Variants in NPEPL1 observed in about 807,000 individuals in gnomAD.
The protein encoded by NPEPL1 is probable aminopeptidase NPEPL1.
In NPEPL1, 45 loss-of-function variants were observed where a neutral mutation model predicts 52.4. The ratio of observed to expected loss-of-function variants is 0.86; its 90% CI spans 0.68 to 1.10. The LOEUF is 1.10. NPEPL1 is among the 50% of genes least tolerant of loss of function. The pLI is 0.00. For synonymous variants in NPEPL1, 360 were observed against 314.7 expected (o/e 1.14, Z -1.52); for missense variants, 696 against 710.9 (o/e 0.98, Z 0.24).
At chr20:58,696,041 C>G (rs1049574282) in intron 3 of NPEPL1, among the ~76,000 whole-genome samples, 13 of 152,208 alleles carry the variant, frequency 8.5e-5, no homozygotes, top group African/African-American at 3.1e-4. Context: ...TCTGCCTCTT[C>G]TCTCTGTCTT....
At chr20:58,712,797 G>A (rs533994287) in intron 8 of NPEPL1, 17 of 661,106 alleles carry the variant, frequency 2.6e-5, no homozygotes, top group East Asian at 8.8e-5. Flanking sequence ...CTAGGCTCCC[G>A]TGCAGTGCCT....
intron 7 of NPEPL1, chr20:58,711,545 T>A (rs533704496): frequency 6.6e-6 from 1 of 152,394 alleles, no homozygotes; most frequent in East Asian, 1.9e-4. Context: ...CTGAGGCTGG[T>A]GGGGTTCTTT....
upstream of NPEPL1, among the ~76,000 whole-genome samples, chr20:58,689,705 T>G (rs948948711): frequency 2.0e-5 from 3 of 152,186 alleles, no homozygotes; most frequent in African/African-American, 4.8e-5. Flanking sequence ...CTCATCGTAG[T>G]CCAAGGGGCC....
chr20:58,693,290 G>A, intron 1 of NPEPL1: 2 of 177,170 alleles, frequency 1.1e-5, no homozygotes, highest in Non-Finnish European at 2.2e-5. Flanking sequence ...TGCGCCCCGC[G>A]AGGCCGCGAC....
chr20:58,703,703 G>T, intron 6 of NPEPL1: 2 of 984,740 alleles, frequency 2.0e-6, no homozygotes, highest in Non-Finnish European at 2.4e-6. Flanking sequence ...GGGTAGACCT[G>T]TGCAGTTAGT....
At position 58,713,931 on chromosome 20, in the gene NPEPL1, G is replaced by A; in HGVS notation, c.1140G>A (p.Gly380=). ...TLTGAQGIAT[G]KYHAAVLTNS... ...TGCCCGCCCAGGGCATTGCCACAGG[G>A]AAGTACCACGCCGCGGTGCTCACCA... The change falls in exon 10 of 12, where the codon GGG becomes GGA. Residue 380 remains glycine, a synonymous_variant. Transcript: ENST00000356091. The surrounding 1 kb of genome is among the most constrained non-coding windows in gnomAD (Gnocchi z 4.6). The A allele has an allele frequency of 6.7e-7, 1 of 1,491,320 alleles. No individual in the cohort carries two copies. Among genetic ancestry groups the A allele is most frequent in the Non-Finnish European group, 8.9e-7 (1 of 1,124,620 alleles). The allele number at this position is 1,491,320 out of a possible 1,614,324, so 92.4% of individuals were successfully genotyped here. A position where few individuals can be genotyped will look rare whatever the true frequency, so the allele number is the denominator to read the frequency against.
rs2084890742 is a variant in NPEPL1, at chr20:58,713,264, T to TG, written c.1002-151dup. ...CCAGGCACTGCATTGCTGTAGGGAC[T>TG]GGGGGCATCCCGGCCTTCCCATTCA... On this transcript the variant is annotated intron_variant, in intron 8 of 11. Transcript: ENST00000356091. The surrounding 1 kb of genome is among the most constrained non-coding windows in gnomAD (Gnocchi z 4.6). 1 of 917,794 alleles carries TG rather than the reference T, an allele frequency of 1.1e-6. No homozygotes were observed. Among genetic ancestry groups the TG allele is most frequent in the African/African-American group, 1.7e-5 (1 of 59,766 alleles). 56.9% of individuals were successfully genotyped at this position (917,794 alleles called of 1,614,324 possible).
chr20:58,693,994 A>G (rs2084408694), intron 2 of NPEPL1, 72 bp downstream of exon 2: 2 of 1,425,344 alleles, frequency 1.4e-6, no homozygotes, highest in South Asian at 1.4e-5. Flanking sequence ...TGGGGAGCTC[A>G]CAGCCCTGCT....
chr20:58,691,180 C>T (rs752912121), upstream of NPEPL1: 136 of 702,528 alleles, frequency 1.9e-4, no homozygotes, highest in Middle Eastern at 1.1e-3. Context: ...TGCCTGTCTG[C>T]AACGTATTTG....
chr20:58,714,452 A>ACAC, intron 10 of NPEPL1, 108 bp from the exon 11 acceptor site: 1 of 787,178 alleles, frequency 1.3e-6, no homozygotes, highest in Non-Finnish European at 2.0e-6. Flanking sequence ...GCTCCCTCCC[A>ACAC]GCCACCCCGA....
chr20:58,692,204 C>T (rs2084362643), upstream of NPEPL1: 1 of 278,868 alleles, frequency 3.6e-6, no homozygotes, highest in Non-Finnish European at 6.8e-6. This position sits in a 1 kb window ranked among gnomAD's most constrained non-coding sequence, Gnocchi z 5.7. Flanking sequence ...AAAGCCACGT[C>T]CCTGTCACCC....
chr20:58,690,894 T>G, upstream of NPEPL1: 2 of 490,936 alleles, frequency 4.1e-6, no homozygotes, highest in Non-Finnish European at 7.3e-6. Flanking sequence ...GGATCCCTCT[T>G]CAGTTTGCAA....
chr20:58,695,055 G>GT (rs1249830448), intron 3 of NPEPL1, among the ~76,000 whole-genome samples: 2 of 149,632 alleles, frequency 1.3e-5, no homozygotes, highest in Non-Finnish European at 1.5e-5. Context: ...TATGTTTGCT[G>GT]GTGTGTGCAT....
chr20:58,715,465 A>G lies in NPEPL1; in HGVS notation c.*139A>G, dbSNP rs546902166. On this transcript the variant is annotated 3_prime_UTR_variant, in exon 12 of 12. Transcript: ENST00000356091. The stretch of plus-strand genomic sequence containing the variant: ...TCAGCGTGGTGGTGGAAACAGCTGA[A>G]GTTTTAGGAGACAGCTTAGGGTTTG... 10 of 929,642 alleles carry G rather than the reference A, an allele frequency of 1.1e-5. No individual in the cohort carries two copies. In the South Asian group the frequency reaches 1.5e-4, roughly 14 times the overall value. 57.6% of individuals were successfully genotyped at this position (929,642 alleles called of 1,614,324 possible). A position where few individuals can be genotyped will look rare whatever the true frequency, so the allele number is the denominator to read the frequency against.
chr20:58,689,574 T>C (rs982511644), upstream of NPEPL1, among the ~76,000 whole-genome samples: 7 of 152,196 alleles, frequency 4.6e-5, no homozygotes. Context: ...CATGAGCTTT[T>C]GACAGTGCCA....
intron 10 of NPEPL1, 181 bp from the exon 11 acceptor site, chr20:58,714,379 G>A: frequency 1.7e-6 from 1 of 602,532 alleles, no homozygotes; most frequent in Non-Finnish European, 2.9e-6. Context: ...GCCTATGGTG[G>A]GGGCAGACTC....
upstream of NPEPL1, chr20:58,691,010 T>C (rs184600987): frequency 2.9e-6 from 2 of 686,476 alleles, no homozygotes; most frequent in Non-Finnish European, 5.3e-6. Context: ...GCTGGACATA[T>C]TCTGCGTCTG....
At chr20:58,696,819 A>G (rs1391392664) in intron 3 of NPEPL1, among the ~76,000 whole-genome samples, 1 of 152,194 alleles carries the variant, frequency 6.6e-6, no homozygotes, top group African/African-American at 2.4e-5. Flanking sequence ...AATTCTCACT[A>G]CAGCCCTGTG....
At chr20:58,695,504 G>A (rs1253815053) in intron 3 of NPEPL1, among the ~76,000 whole-genome samples, 2 of 152,312 alleles carry the variant, frequency 1.3e-5, no homozygotes, top group South Asian at 4.1e-4. Flanking sequence ...AGCGGTCCCA[G>A]CCTCTGCGCC....
Sources: allele counts gnomAD v4.1 joint callset (sites outside exome capture counted in the v4.1 genomes callset), GRCh38; gene constraint gnomAD v4.1.1; non-coding constraint Gnocchi (gnomAD v3.1); transcripts MANE v1.5; gene names NCBI Gene and HGNC (gene_info 2026-07-23, HGNC 2026-07-21).